TBATA: variants seen among roughly 807,000 people sequenced by gnomAD.
TBATA encodes the protein thymus, brain and testes associated.
Under a neutral mutation model 38.7 loss-of-function variants are expected in TBATA, and 47 were observed. That is an observed-to-expected ratio of 1.21 (90% CI 0.96 to 1.55). The LOEUF (loss-of-function observed/expected upper bound fraction) is 1.55, where lower values mean the gene tolerates loss of function less well. Ranked by LOEUF, TBATA falls within the 40% of genes most tolerant of loss-of-function variation. The pLI, the probability that TBATA is intolerant of heterozygous loss-of-function variation, is 0.00. For synonymous variants in TBATA, 183 were observed against 170.5 expected, an observed-to-expected ratio of 1.07 and a Z score of -0.57; for missense variants, 436 against 435.6, an observed-to-expected ratio of 1.00 and a Z score of -0.01.
intron 3 of TBATA, 29 bp downstream of exon 3, chr10:70,783,310 G>T (rs761416860): frequency 5.6e-6 from 9 of 1,613,788 alleles, no homozygotes; most frequent in Non-Finnish European, 7.6e-6. Context: ...GCCCTCCTCA[G>T]TCAGCAGGGT....
chr10:70,782,740 C>G, intron 3 of TBATA: 2 of 747,984 alleles, frequency 2.7e-6, no homozygotes, highest in South Asian at 1.2e-4. Flanking sequence ...CGCTATGCAT[C>G]TGCCCTTGGA....
At chr10:70,776,683 A>G (rs1453683854) in intron 7 of TBATA, among the ~76,000 whole-genome samples, 1 of 151,940 alleles carries the variant, frequency 6.6e-6, no homozygotes, top group African/African-American at 2.4e-5. Flanking sequence ...TGAGGCATGG[A>G]CTCATCTCAG....
chr10:70,778,437 G>A, intron 6 of TBATA, 120 bp downstream of exon 6: 2 of 970,348 alleles, frequency 2.1e-6, no homozygotes, highest in East Asian at 2.4e-5. Flanking sequence ...CCTGACGTTT[G>A]TATGAATCAG....
chr10:70,774,334 G>T lies in TBATA; in HGVS notation c.799C>A (p.Leu267Met). 1 of 1,602,268 alleles carries T rather than the reference G, an allele frequency of 6.2e-7. No homozygotes were observed. Among genetic ancestry groups the T allele is most frequent in the Non-Finnish European group, 8.5e-7 (1 of 1,175,328 alleles). The change falls in exon 9 of 11, where the codon CTG becomes ATG. Residue 267 changes from leucine (L) to methionine (M), a missense_variant. Coordinates refer to ENST00000456372, the MANE Select transcript of TBATA (RefSeq NM_001318241.2). ...PKEKDLALGL[L>M]QTAVAQLLPQ... is the part of the protein sequence containing the mutation. ...AGGAGCTGAGCCACTGCTGTCTGCA[G>T]GAGTCCCAGAGCGAGGTCTTTTTCT... is the stretch of plus-strand genomic sequence containing the variant.
At position 70,777,314 on chromosome 10, in the gene TBATA, G is replaced by A; in HGVS notation, c.532C>T (p.Leu178=). Residue 178 remains leucine (L), a synonymous_variant, in exon 7 of 11, where the codon CTG becomes TTG. Transcript: ENST00000456372. ...KEQKEQKEEP[L]REQGAKYSAE... Reference sequence around the variant, plus strand: ...GAGTACTTTGCCCCCTGCTCCCGCAGAGGCTCCTCCTTCTGCTCCTTCTGC... The same window carrying A: ...GAGTACTTTGCCCCCTGCTCCCGCAAAGGCTCCTCCTTCTGCTCCTTCTGC... The A allele has an allele frequency of 6.2e-7, 1 of 1,613,620 alleles. No homozygotes were observed. The highest frequency in any genetic ancestry group is 8.5e-7 in the Non-Finnish European group (1 of 1,179,866).
intron 9 of TBATA, among the ~76,000 whole-genome samples, chr10:70,773,511 T>C (rs1391454311): frequency 6.7e-6 from 1 of 148,780 alleles, no homozygotes; most frequent in African/African-American, 2.5e-5. Context: ...TCTTTAGGGG[T>C]CTGCATTTTT....
Position 70,774,327 on chromosome 10 carries a change from G to A in TBATA, c.806C>T (p.Thr269Ile). Residue 269 changes from threonine to isoleucine, a missense_variant, in exon 9 of 11, where the codon ACA (threonine) becomes ATA (isoleucine). Coordinates refer to ENST00000456372, the MANE Select transcript of TBATA (RefSeq NM_001318241.2). ...CTGGGGAAGGAGCTGAGCCACTGCT[G>A]TCTGCAGGAGTCCCAGAGCGAGGTC... ...EKDLALGLLQ[T>I]AVAQLLPQPL... 6.2e-7 allele frequency: 1 copy of A among 1,603,484 alleles called. No individual in the cohort carries two copies. The highest frequency in any genetic ancestry group is 1.3e-5 in the African/African-American group (1 of 75,022).
At chr10:70,783,309 A>G in intron 3 of TBATA, 30 bp downstream of exon 3, 1 of 1,613,776 alleles carries the variant, frequency 6.2e-7, no homozygotes, top group Non-Finnish European at 8.5e-7. Flanking sequence ...AGCCCTCCTC[A>G]GTCAGCAGGG....
At chr10:70,783,296 C>T in intron 3 of TBATA, 43 bp downstream of exon 3, 3 of 1,612,578 alleles carry the variant, frequency 1.9e-6, no homozygotes, top group Non-Finnish European at 2.5e-6. Flanking sequence ...CTGCCCTACC[C>T]CAAGCCCTCC....
In TBATA at chr10:70,783,435, C is replaced by A; in HGVS notation, c.-56G>T. 3.1e-6 allele frequency: 5 copies of A among 1,590,550 alleles called. No homozygotes were observed. ...GCACTTAATACTAGCGTTGAGGATG[C>A]AGAACAGGAACTCTCACTTAATACT... On this transcript the variant is annotated 5_prime_UTR_variant, in exon 3 of 11. Coordinates refer to ENST00000456372, the MANE Select transcript of TBATA (RefSeq NM_001318241.2).
At chr10:70,782,459 C>T (rs1844362692) in intron 3 of TBATA, 5 of 1,292,466 alleles carry the variant, frequency 3.9e-6, no homozygotes, top group Non-Finnish European at 5.0e-6. Flanking sequence ...GTGGACAGCC[C>T]AGAGGCCAGC....
rs996819008 is a variant in TBATA at position 70,783,525 on chromosome 10, A to G, written c.-146T>C. The G allele has an allele frequency of 2.6e-5, 22 of 834,198 alleles. No individual in the cohort carries two copies. In the African/African-American group the frequency reaches 3.3e-4, roughly 13 times the overall value. The allele number at this position is 834,198 out of a possible 1,614,324, so 51.7% of individuals were successfully genotyped here. On this transcript the variant is annotated splice_region_variant and 5_prime_UTR_variant, in exon 3 of 11. Coordinates refer to ENST00000456372, the MANE Select transcript of TBATA (RefSeq NM_001318241.2). ...GGTGGAAGTGTAAACGGGAACAGGC[A>G]CTTTAGGGGGAGAAATGGTAATATC...
chr10:70,784,541 C>G (rs1238266528), intron 2 of TBATA, 106 bp downstream of exon 2: 2 of 152,078 alleles, frequency 1.3e-5, no homozygotes, highest in Admixed American at 6.5e-5. Flanking sequence ...CCAATGCCAG[C>G]CTTCATCAGG....
At chr10:70,780,960 T>G (rs1844132779) in intron 4 of TBATA, among the ~76,000 whole-genome samples, 1 of 152,204 alleles carries the variant, frequency 6.6e-6, no homozygotes, top group South Asian at 2.1e-4. Context: ...TGTTAAAACA[T>G]CTCACTTCTG....
intron 3 of TBATA, chr10:70,782,605 G>A: frequency 1.0e-6 from 1 of 985,456 alleles, no homozygotes; most frequent in South Asian, 4.7e-5. Context: ...AGGAGAGGAA[G>A]AGCTGACGCA....
intron 4 of TBATA, among the ~76,000 whole-genome samples, chr10:70,780,505 G>A (rs549023326): frequency 1.3e-3 from 195 of 152,056 alleles, no homozygotes; most frequent in Non-Finnish European, 2.4e-3. Context: ...CTGTCCCCAG[G>A]TTTTTCTCTC....
At chr10:70,781,637 C>G (rs1844225579) in intron 4 of TBATA, among the ~76,000 whole-genome samples, 164 bp downstream of exon 4, 1 of 152,226 alleles carries the variant, frequency 6.6e-6, no homozygotes, top group Non-Finnish European at 1.5e-5. Context: ...TCTCTCCTGC[C>G]CACTGAGCAG....
intron 8 of TBATA, 95 bp downstream of exon 8, chr10:70,775,094 G>A: frequency 8.3e-7 from 1 of 1,211,562 alleles, no homozygotes; most frequent in Non-Finnish European, 1.2e-6. Flanking sequence ...CTCCAGGGTG[G>A]GAGCTGAGGG....
At chr10:70,774,908 T>A (rs1843195071) in intron 8 of TBATA, among the ~76,000 whole-genome samples, 1 of 152,006 alleles carries the variant, frequency 6.6e-6, no homozygotes, top group Non-Finnish European at 1.5e-5. Context: ...AGTCTTTGGA[T>A]TTTTTCCTCC....
Sources: allele counts gnomAD v4.1 joint callset (sites outside exome capture counted in the v4.1 genomes callset), GRCh38; gene constraint gnomAD v4.1.1; transcripts MANE v1.5; gene names NCBI Gene and HGNC (gene_info 2026-07-23, HGNC 2026-07-21).